LRBA: variants seen among roughly 807,000 people sequenced by gnomAD.
The protein encoded by LRBA is lipopolysaccharide-responsive and beige-like anchor protein.
A neutral mutation model predicts 330.0 loss-of-function variants in LRBA; 176 were observed. The ratio of observed to expected loss-of-function variants is 0.53; its 90% CI spans 0.47 to 0.60. The LOEUF (loss-of-function observed/expected upper bound fraction) is 0.60, where lower values mean the gene tolerates loss of function less well. Ranked by LOEUF, LRBA falls within the 20% of genes least tolerant of loss-of-function variation. LRBA has a pLI of 0.00. For synonymous variants in LRBA, 1,230 were observed against 1,193.0 expected (o/e 1.03, Z -0.64); for missense variants, 3,259 against 3,444.8 (o/e 0.95, Z 1.35).
rs1216990774 is a variant in LRBA at position 151,008,969 on chromosome 4, C to CAAAAAA, written c.216+5452_216+5457dup. 6.9e-3 allele frequency among the ~76,000 whole-genome samples: 13 copies of CAAAAAA among 1,884 alleles called. 3 individuals carry two copies. The highest frequency in any genetic ancestry group is 9.3e-3 in the Non-Finnish European group (3 of 322). The allele number at this position is 1,884 out of a possible 152,430, so 1.2% of individuals were successfully genotyped here. A position where few individuals can be genotyped will look rare whatever the true frequency, so the allele number is the denominator to read the frequency against. ...TGGGTGGCAGAGTGAGACTCCATCT[C>CAAAAAA]AAAAAAAAAAAAAAAAAAAATATAT... On this transcript the variant is annotated intron_variant, in intron 2 of 56. Coordinates refer to ENST00000651943, the MANE Select transcript of LRBA (RefSeq NM_001364905.1).
chr4:150,469,680 T>C (rs1755851841), intron 43 of LRBA, among the ~76,000 whole-genome samples: 1 of 152,126 alleles, frequency 6.6e-6, no homozygotes, highest in Non-Finnish European at 1.5e-5. Flanking sequence ...ACTTTCAATG[T>C]GAGCCCCTCA....
chr4:150,593,200 A>C (rs936163263), intron 38 of LRBA, among the ~76,000 whole-genome samples: 10 of 152,100 alleles, frequency 6.6e-5, no homozygotes, highest in African/African-American at 2.2e-4. Context: ...ATTATTTTCC[A>C]GTTAGATTTT....
At chr4:150,959,700 G>C (rs1470658900) in intron 2 of LRBA, among the ~76,000 whole-genome samples, 3 of 147,248 alleles carry the variant, frequency 2.0e-5, no homozygotes, top group Non-Finnish European at 4.4e-5. Flanking sequence ...TGAATAAAAG[G>C]AATGAAACTG....
intron 56 of LRBA, among the ~76,000 whole-genome samples, chr4:150,272,756 G>A (rs1185729712): frequency 6.6e-6 from 1 of 151,786 alleles, no homozygotes; most frequent in East Asian, 1.9e-4. Context: ...GAGAAGATTA[G>A]AGAAAAAAGA....
intron 2 of LRBA, among the ~76,000 whole-genome samples, chr4:151,004,337 T>G (rs1364265721): frequency 6.6e-6 from 1 of 152,156 alleles, no homozygotes; most frequent in Admixed American, 6.6e-5. Flanking sequence ...ATGGGTCACT[T>G]GAATATAATC....
intron 2 of LRBA, among the ~76,000 whole-genome samples, chr4:150,955,192 G>A (rs1737402478): frequency 6.7e-6 from 1 of 148,882 alleles, no homozygotes; most frequent in South Asian, 2.1e-4. Context: ...GATCACCTGA[G>A]CCTGAGAGGT....
intron 2 of LRBA, among the ~76,000 whole-genome samples, chr4:150,959,504 A>C (rs1291067974): frequency 3.3e-5 from 5 of 149,300 alleles, no homozygotes; most frequent in Non-Finnish European, 7.3e-5. Context: ...TACCAAAAGG[A>C]CTCAGGAATC....
chr4:150,795,214 TACAAAC>T (rs1224695528), intron 34 of LRBA, among the ~76,000 whole-genome samples: 3 of 152,074 alleles, frequency 2.0e-5, no homozygotes, highest in Non-Finnish European at 4.4e-5. Context: ...ATGAACAAGA[TACAAAC>T]ACTTTATATA....
rs777546305 is a variant in LRBA at position 150,831,845 on chromosome 4, G to A, written c.4701C>T (p.Gly1567=). The A allele has an allele frequency of 1.3e-6, 2 of 1,597,664 alleles. No individual in the cohort carries two copies. The highest frequency in any genetic ancestry group is 1.2e-5 in the South Asian group (1 of 86,844). ...AGAGTGATACATTCTCATTTTCACTGCCAGTTTCTGTACATGACTGGCTAT... is the reference window on the plus strand; with the variant it reads ...AGAGTGATACATTCTCATTTTCACTACCAGTTTCTGTACATGACTGGCTAT... ...ERHSQSCTET[G]SENENVSLSE... Residue 1567 remains glycine, a synonymous_variant, in exon 29 of 57, where the codon GGC becomes GGT. Coordinates refer to ENST00000651943, the MANE Select transcript of LRBA (RefSeq NM_001364905.1).
intron 37 of LRBA, among the ~76,000 whole-genome samples, chr4:150,626,795 C>G (rs1776904706): frequency 6.6e-6 from 1 of 152,014 alleles, no homozygotes; most frequent in African/African-American, 2.4e-5. Flanking sequence ...ATTAGAAGAG[C>G]AAGAAAACCT....
chr4:150,471,027 C>T (rs1756061019), intron 43 of LRBA, among the ~76,000 whole-genome samples: 1 of 152,100 alleles, frequency 6.6e-6, no homozygotes, highest in South Asian at 2.1e-4. Flanking sequence ...AATGAACTGA[C>T]GCTAACTCTT....
At chr4:150,831,144 A>T (rs543669738) in intron 29 of LRBA, among the ~76,000 whole-genome samples, 1 of 151,898 alleles carries the variant, frequency 6.6e-6, no homozygotes, top group African/African-American at 2.4e-5. Context: ...TCAAAGAGAA[A>T]TCCATACCCA....
At chr4:150,507,823 A>C (rs937979720) in intron 40 of LRBA, among the ~76,000 whole-genome samples, 2 of 151,748 alleles carry the variant, frequency 1.3e-5, no homozygotes, top group Non-Finnish European at 3.0e-5. Context: ...TTTTGCAACC[A>C]ACCCAAATGT....
At position 150,802,844 on chromosome 4, in the gene LRBA, G is replaced by A. The variant is rs542206140; in HGVS notation, c.5518+3427C>T. Among the ~76,000 whole-genome samples, 17 of 151,590 alleles carry A rather than the reference G, an allele frequency of 1.1e-4. No individual in the cohort carries two copies. The South Asian group carries it at 3.1e-3, about 28-fold the overall frequency. On this transcript the variant is annotated intron_variant, in intron 33 of 56. Coordinates refer to ENST00000651943, the MANE Select transcript of LRBA (RefSeq NM_001364905.1). ...TTGAGATCAGCCTGGGCAATGTGGCGAAACCCCATCTCTACAAAATATACA... is the reference window on the plus strand; with the variant it reads ...TTGAGATCAGCCTGGGCAATGTGGCAAAACCCCATCTCTACAAAATATACA...
In LRBA at chr4:150,959,313, T is replaced by C. The variant is rs778696723; in HGVS notation, c.217-30248A>G. Among the ~76,000 whole-genome samples, 20 of 149,168 alleles carry C rather than the reference T, an allele frequency of 1.3e-4. 1 individual carries two copies. The highest frequency in any genetic ancestry group is 2.2e-4 in the Non-Finnish European group (15 of 68,024). ...GCAGGGGAAAAACCCACCCCCATGA[T>C]TCAATTACCTCCCACTGGGTCCCTC... On this transcript the variant is annotated intron_variant, in intron 2 of 56. Transcript: ENST00000651943.
intron 2 of LRBA, among the ~76,000 whole-genome samples, chr4:151,000,691 T>C (rs149652236): frequency 2.3e-4 from 35 of 152,302 alleles, no homozygotes; most frequent in African/African-American, 6.3e-4. Flanking sequence ...TGCACACAAT[T>C]TAAAACTTAG....
chr4:150,596,508 A>G (rs2126494693), intron 38 of LRBA, among the ~76,000 whole-genome samples: 1 of 152,058 alleles, frequency 6.6e-6, no homozygotes, highest in Non-Finnish European at 1.5e-5. Context: ...AATAAAAGTG[A>G]GAAGTCATAA....
intron 36 of LRBA, chr4:150,721,513 G>GTTTT: frequency 5.1e-6 from 1 of 196,474 alleles, no homozygotes; most frequent in Non-Finnish European, 1.0e-5. Context: ...GAAGAACTGG[G>GTTTT]TTTTTTTTTT....
intron 46 of LRBA, among the ~76,000 whole-genome samples, chr4:150,419,925 AC>A (rs372990468): frequency 6.7e-6 from 1 of 149,566 alleles, no homozygotes; most frequent in African/African-American, 2.4e-5. Flanking sequence ...GGAATGAGCC[AC>A]CAAGCCCAGC....
Sources: gnomAD v4.1 joint callset for allele counts (sites outside exome capture counted in the v4.1 genomes callset) on GRCh38, gnomAD v4.1.1 for gene constraint, MANE v1.5 for transcripts, NCBI Gene and HGNC (gene_info 2026-07-23, HGNC 2026-07-21) for gene names.